Variants in SLC5A5 observed in about 807,000 individuals in gnomAD.
SLC5A5 encodes sodium/iodide cotransporter.
SLC5A5 carries 56 observed loss-of-function variants against 68.6 expected under a neutral mutation model. The ratio of observed to expected loss-of-function variants is 0.82; its 90% CI spans 0.66 to 1.02. The LOEUF (loss-of-function observed/expected upper bound fraction) is 1.02, where lower values mean the gene tolerates loss of function less well. SLC5A5 is among the 50% of genes least tolerant of loss of function. SLC5A5 has a pLI of 0.00. For missense variants in SLC5A5, 807 were observed against 859.8 expected, an observed-to-expected ratio of 0.94 and a Z score of 0.77; for synonymous variants, 398 against 373.0, an observed-to-expected ratio of 1.07 and a Z score of -0.77.
chr19:17,888,236 T>G, intron 12 of SLC5A5, 95 bp from the exon 13 acceptor site: 3 of 1,463,200 alleles, frequency 2.1e-6, no homozygotes, highest in Non-Finnish European at 2.8e-6. Flanking sequence ...GCCATGGCAG[T>G]TGGGGGAAGG....
chr19:17,885,131 CT>C (rs2094330447), intron 12 of SLC5A5, among the ~76,000 whole-genome samples: 1 of 151,712 alleles, frequency 6.6e-6, no homozygotes, highest in Non-Finnish European at 1.5e-5. Context: ...CTCAGCCCCC[CT>C]AGTTGCTGGG....
At chr19:17,879,973 C>G (rs921671612) in intron 7 of SLC5A5, among the ~76,000 whole-genome samples, 2 of 151,924 alleles carry the variant, frequency 1.3e-5, no homozygotes, top group Admixed American at 6.6e-5. Context: ...AACCTCAGCT[C>G]ACTGCAACCT....
chr19:17,878,715 C>T (rs531139625), intron 7 of SLC5A5, among the ~76,000 whole-genome samples: 1 of 152,058 alleles, frequency 6.6e-6, no homozygotes, highest in Non-Finnish European at 1.5e-5. Context: ...TTGGCTCACG[C>T]CTGTAATCCC....
Position 17,872,348 on chromosome 19 carries a change from C to T in SLC5A5, c.29C>T (p.Pro10Leu). The change falls in exon 1 of 15, where the codon CCC (proline) becomes CTC (leucine). Residue 10 changes from proline to leucine, a missense_variant. Physicochemically the swap from Pro to Leu is moderately conservative, Grantham distance 98. Transcript: ENST00000222248. The part of the protein sequence containing the change: MEAVETGER[P>L]TFGAWDYGVF... ...GAGGCCGTGGAGACCGGGGAACGGC[C>T]CACCTTCGGAGCCTGGGACTACGGG... 1 of 1,585,536 alleles carries T rather than the reference C, an allele frequency of 6.3e-7. No individual in the cohort carries two copies. The highest frequency in any genetic ancestry group is 2.1e-4 in the Middle Eastern group (1 of 4,780).
At chr19:17,881,899 C>A in intron 8 of SLC5A5, 61 bp from the exon 9 acceptor site, 1 of 1,330,480 alleles carries the variant, frequency 7.5e-7, no homozygotes, top group Non-Finnish European at 1.1e-6. Flanking sequence ...TCTGGCAGGC[C>A]AGATGGTGTG....
Position 17,875,936 on chromosome 19 carries a change from C to G in SLC5A5, c.544-16C>G. The G allele has an allele frequency of 1.2e-6, 2 of 1,614,076 alleles. No individual in the cohort carries two copies. Among genetic ancestry groups the G allele is most frequent in the Non-Finnish European group, 1.7e-6 (2 of 1,179,972 alleles). On this transcript the variant is annotated splice_polypyrimidine_tract_variant and intron_variant, in intron 4 of 14. Coordinates refer to ENST00000222248, the MANE Select transcript of SLC5A5 (RefSeq NM_000453.3). ...CATCTAACCGCCCCTCTCCCTCTCT[C>G]TGTCCCATGCTGCAGGGCGGCATGA...
chr19:17,893,810 G>T lies in SLC5A5; in HGVS notation c.1865G>T (p.Gly622Val). 1 of 1,607,510 alleles carries T rather than the reference G, an allele frequency of 6.2e-7. No individual in the cohort carries two copies. Among genetic ancestry groups the T allele is most frequent in the East Asian group, 2.2e-5 (1 of 44,676 alleles). The stretch of plus-strand genomic sequence containing the variant: ...TTCTTGGGGCAGAAGGAGCTGGAGG[G>T]GGCTGGCTCTTGGACCCCCTGTGTT... ...LFFLGQKELE[G>V]AGSWTPCVGH... The change falls in exon 15 of 15, where the codon GGG becomes GTG. Residue 622 changes from glycine (G) to valine (V), a missense_variant. Gly to Val is a moderately radical substitution (Grantham distance 109, BLOSUM62 -3). Coordinates refer to ENST00000222248, the MANE Select transcript of SLC5A5 (RefSeq NM_000453.3).
rs991528371 is a variant in SLC5A5, at chr19:17,890,245, A to G, written c.1652-641A>G. ...ACCCCCACGCCTGGCTAATTTTTGT[A>G]TTTTTAGTAGAAATGGGGTTTCGCC... On this transcript the variant is annotated intron_variant, in intron 13 of 14. Coordinates refer to ENST00000222248, the MANE Select transcript of SLC5A5 (RefSeq NM_000453.3). Among the ~76,000 whole-genome samples, 21 of 151,816 alleles carry G rather than the reference A, an allele frequency of 1.4e-4. No homozygotes were observed. The South Asian group carries it at 1.5e-3, about 11-fold the overall frequency.
At chr19:17,886,453 A>C (rs546877427) in intron 12 of SLC5A5, among the ~76,000 whole-genome samples, 1 of 152,048 alleles carries the variant, frequency 6.6e-6, no homozygotes, top group South Asian at 2.1e-4. Flanking sequence ...GACTACAGGC[A>C]TATGCCACCA....
intron 12 of SLC5A5, among the ~76,000 whole-genome samples, chr19:17,884,815 C>T (rs1040198209): frequency 6.6e-5 from 10 of 151,586 alleles, no homozygotes; most frequent in African/African-American, 2.4e-4. Flanking sequence ...TTTGTGCAAC[C>T]ATCACCACTA....
chr19:17,876,184 C>T, intron 5 of SLC5A5, 78 bp downstream of exon 5: 1 of 1,485,702 alleles, frequency 6.7e-7, no homozygotes, highest in Admixed American at 1.7e-5. Flanking sequence ...AATCCCAGCA[C>T]TTTGGGAGGC....
At chr19:17,889,341 G>C (rs1233189461) in intron 13 of SLC5A5, among the ~76,000 whole-genome samples, 1 of 151,662 alleles carries the variant, frequency 6.6e-6, no homozygotes, top group Non-Finnish European at 1.5e-5. Flanking sequence ...GGAGGTTGCA[G>C]TGAGCCAAGA....
intron 10 of SLC5A5, 63 bp downstream of exon 10, chr19:17,882,282 C>A: frequency 1.5e-6 from 2 of 1,332,898 alleles, no homozygotes; most frequent in Non-Finnish European, 2.1e-6. Flanking sequence ...TCCCTCTTTC[C>A]CATTAAACTG....
intron 14 of SLC5A5, among the ~76,000 whole-genome samples, chr19:17,891,229 A>G (rs2030156898): frequency 6.6e-6 from 1 of 152,022 alleles, no homozygotes; most frequent in East Asian, 1.9e-4. Flanking sequence ...TTTTTGAGAC[A>G]GAGTCTCGCT....
chr19:17,888,639 A>T (rs2030026978), intron 13 of SLC5A5, among the ~76,000 whole-genome samples, 184 bp downstream of exon 13: 1 of 146,760 alleles, frequency 6.8e-6, no homozygotes, highest in African/African-American at 2.7e-5. Flanking sequence ...CATCATCATC[A>T]TCATCATTTT....
intron 14 of SLC5A5, among the ~76,000 whole-genome samples, chr19:17,892,977 CT>C (rs1267385952): frequency 2.7e-5 from 4 of 148,620 alleles, no homozygotes; most frequent in African/African-American, 9.8e-5. Context: ...TTTCTTTCCT[CT>C]TTTCTTTTCC....
At chr19:17,880,770 G>A (rs567548315) in intron 7 of SLC5A5, 95 bp from the exon 8 acceptor site, 53 of 865,886 alleles carry the variant, frequency 6.1e-5, no homozygotes, top group East Asian at 1.2e-4. Flanking sequence ...AGCCCTGTCC[G>A]TCTTGGGTGC....
chr19:17,891,904 C>G (rs946179281), intron 14 of SLC5A5, among the ~76,000 whole-genome samples: 1 of 152,070 alleles, frequency 6.6e-6, no homozygotes, highest in African/African-American at 2.4e-5. Flanking sequence ...GGTCTAAGAC[C>G]CCCACCCCAC....
intron 13 of SLC5A5, among the ~76,000 whole-genome samples, chr19:17,888,736 G>C (rs992303420): frequency 6.6e-6 from 1 of 151,502 alleles, no homozygotes; most frequent in East Asian, 1.9e-4. Context: ...AGATTCAAGC[G>C]ATTCTCATGT....
Sources: gnomAD v4.1 joint callset for allele counts (sites outside exome capture counted in the v4.1 genomes callset) on GRCh38, gnomAD v4.1.1 for gene constraint, MANE v1.5 for transcripts, NCBI Gene and HGNC (gene_info 2026-07-23, HGNC 2026-07-21) for gene names.